The following CCSER1 variants were observed in gnomAD, a reference collection of about 807,000 sequenced individuals.
CCSER1 encodes the protein serine-rich coiled-coil domain-containing protein 1.
A neutral mutation model predicts 82.0 loss-of-function variants in CCSER1; 41 were observed. The ratio of observed to expected loss-of-function variants is 0.50; its 90% CI spans 0.39 to 0.65. CCSER1 has a LOEUF of 0.65. Ranked by LOEUF, CCSER1 falls within the 30% of genes least tolerant of loss-of-function variation. The pLI is 0.00. For synonymous variants in CCSER1, 414 were observed against 383.9 expected (o/e 1.08, Z -0.92); for missense variants, 1,119 against 1,064.2 (o/e 1.05, Z -0.72).
chr4:90,549,280 T>A (rs1057077320), intron 5 of CCSER1, among the ~76,000 whole-genome samples: 26 of 152,168 alleles, frequency 1.7e-4, no homozygotes, highest in Non-Finnish European at 2.5e-4. Context: ...TTGCTAAGTG[T>A]CTATAATACA....
intron 5 of CCSER1, among the ~76,000 whole-genome samples, chr4:90,470,897 A>G (rs769126489): frequency 1.3e-5 from 2 of 152,052 alleles, no homozygotes; most frequent in African/African-American, 4.8e-5. Context: ...TTGACTAGAT[A>G]ATTTGTTGAT....
At chr4:91,476,463 T>C (rs950809882) in intron 10 of CCSER1, among the ~76,000 whole-genome samples, 1 of 151,710 alleles carries the variant, frequency 6.6e-6, no homozygotes, top group Non-Finnish European at 1.5e-5. Context: ...AAGATGTCCA[T>C]ACCGCCCAAA....
At position 90,321,193 on chromosome 4, in the gene CCSER1, T is replaced by C. The variant is rs370780252; in HGVS notation, c.1509+8146T>C. Among the ~76,000 whole-genome samples, 47 of 152,288 alleles carry C rather than the reference T, an allele frequency of 3.1e-4. 1 individual carries two copies. The highest frequency in any genetic ancestry group is 1.1e-3 in the African/African-American group (47 of 41,576). On this transcript the variant is annotated intron_variant, in intron 3 of 10. Coordinates refer to ENST00000509176, the MANE Select transcript of CCSER1 (RefSeq NM_001145065.2). The stretch of plus-strand genomic sequence containing the variant: ...CTACATAACTATATTTTTGCATACA[T>C]TAATGTCCCCCCAACCCTCCAACTC...
At chr4:91,422,314 C>G (rs1157571374) in intron 10 of CCSER1, among the ~76,000 whole-genome samples, 2 of 152,102 alleles carry the variant, frequency 1.3e-5, no homozygotes, top group African/African-American at 4.8e-5. Flanking sequence ...TACATACTCA[C>G]ATTCACCTTT....
chr4:91,220,401 A>G (rs543313867), intron 10 of CCSER1, among the ~76,000 whole-genome samples: 1 of 152,328 alleles, frequency 6.6e-6, no homozygotes, highest in South Asian at 2.1e-4. Flanking sequence ...TAGTTAATGG[A>G]ACATTTAAAA....
At chr4:90,838,857 G>C in intron 8 of CCSER1, 1 of 1,608,458 alleles carries the variant, frequency 6.2e-7, no homozygotes, top group African/African-American at 1.3e-5. Flanking sequence ...AAATAAGAAG[G>C]CAATGCTTGT....
intron 10 of CCSER1, among the ~76,000 whole-genome samples, chr4:91,467,655 G>GA (rs1490680704): frequency 6.6e-6 from 1 of 152,004 alleles, no homozygotes; most frequent in South Asian, 2.1e-4. Context: ...AAACTTACAA[G>GA]AAAAAAACAA....
chr4:90,951,628 A>G (rs1198685180), intron 9 of CCSER1, among the ~76,000 whole-genome samples: 1 of 152,128 alleles, frequency 6.6e-6, no homozygotes, highest in Non-Finnish European at 1.5e-5. Flanking sequence ...ATTTGTAAAT[A>G]TTAATGAAGA....
At chr4:90,948,685 A>G (rs975539048) in intron 9 of CCSER1, among the ~76,000 whole-genome samples, 2 of 152,064 alleles carry the variant, frequency 1.3e-5, no homozygotes, top group African/African-American at 4.8e-5. Flanking sequence ...TTGCATATTT[A>G]CATGCATTCT....
At chr4:91,180,960 A>T (rs1251261532) in intron 10 of CCSER1, among the ~76,000 whole-genome samples, 1 of 152,226 alleles carries the variant, frequency 6.6e-6, no homozygotes, top group African/African-American at 2.4e-5. Flanking sequence ...CTGCAGCAGG[A>T]GCATGTCCTT....
At chr4:90,911,235 G>T (rs1460501756) in intron 8 of CCSER1, 4 of 450,750 alleles carry the variant, frequency 8.9e-6, no homozygotes, top group African/African-American at 4.0e-5. Flanking sequence ...TATTAATAAA[G>T]TTTAGTGTCT....
chr4:91,464,228 C>T (rs1000098103), intron 10 of CCSER1, among the ~76,000 whole-genome samples: 5 of 152,034 alleles, frequency 3.3e-5, no homozygotes, highest in Non-Finnish European at 7.4e-5. Flanking sequence ...TATTTTCAAA[C>T]CAGAATTTCA....
At chr4:90,362,719 T>G (rs1745581020) in intron 3 of CCSER1, among the ~76,000 whole-genome samples, 1 of 152,174 alleles carries the variant, frequency 6.6e-6, no homozygotes, top group African/African-American at 2.4e-5. Context: ...GACGTCCCTC[T>G]GTGTTTTTGA....
intron 10 of CCSER1, among the ~76,000 whole-genome samples, chr4:91,192,980 A>G (rs1396330406): frequency 6.6e-6 from 1 of 152,128 alleles, no homozygotes; most frequent in Admixed American, 6.6e-5. Context: ...CATTTCCAAA[A>G]GCTTAGCTAA....
At chr4:90,240,712 T>G (rs1413835423) in intron 1 of CCSER1, among the ~76,000 whole-genome samples, 4 of 152,232 alleles carry the variant, frequency 2.6e-5, no homozygotes, top group Non-Finnish European at 4.4e-5. Context: ...TAGCTAATAT[T>G]GTGGCAAAAA....
At chr4:90,717,270 C>T (rs1741792650) in intron 6 of CCSER1, among the ~76,000 whole-genome samples, 1 of 152,050 alleles carries the variant, frequency 6.6e-6, no homozygotes, top group Non-Finnish European at 1.5e-5. Context: ...ACTCACTCCC[C>T]AATGGAAAAC....
chr4:90,229,264 C>T (rs1275916410), intron 1 of CCSER1, among the ~76,000 whole-genome samples: 1 of 152,146 alleles, frequency 6.6e-6, no homozygotes, highest in Non-Finnish European at 1.5e-5. Flanking sequence ...AGACTGACAG[C>T]AGATCTCTCA....
At chr4:90,869,634 A>G (rs1467443377) in intron 8 of CCSER1, among the ~76,000 whole-genome samples, 2 of 151,672 alleles carry the variant, frequency 1.3e-5, no homozygotes, top group African/African-American at 2.4e-5. Context: ...AGGTCAGGTA[A>G]TGTGATTCCT....
In CCSER1 at chr4:90,932,893, GGAAGGAGAAA is replaced by G. The variant is rs1404019937; in HGVS notation, c.2172+9460_2172+9469del. Among the ~76,000 whole-genome samples the G allele has an allele frequency of 6.6e-3, 441 of 66,844 alleles. 102 individuals are homozygous for G. The highest frequency in any genetic ancestry group is 0.015 in the Admixed American group (84 of 5,732). 43.9% of individuals were successfully genotyped at this position (66,844 alleles called of 152,430 possible). ...AGAAAGGAAGGAAGGAAAGAAAGAA[GGAAGGAGAAA>G]GAAGGAGAAAGAAAGAAAGAAAGAA... On this transcript the variant is annotated intron_variant, in intron 9 of 10. Coordinates refer to ENST00000509176, the MANE Select transcript of CCSER1 (RefSeq NM_001145065.2).
Sources: allele counts gnomAD v4.1 joint callset (sites outside exome capture counted in the v4.1 genomes callset), GRCh38; gene constraint gnomAD v4.1.1; transcripts MANE v1.5; gene names NCBI Gene and HGNC (gene_info 2026-07-23, HGNC 2026-07-21).